PTPRD: variants seen among roughly 807,000 people sequenced by gnomAD.
The protein encoded by PTPRD is receptor-type tyrosine-protein phosphatase delta.
Under a neutral mutation model 214.5 loss-of-function variants are expected in PTPRD, and 34 were observed. The ratio of observed to expected loss-of-function variants is 0.16; its 90% CI spans 0.12 to 0.21. The LOEUF is 0.21. PTPRD is among the 10% of genes least tolerant of loss of function. The pLI is 1.00. For missense variants in PTPRD, 2,545 were observed against 2,398.7 expected, an observed-to-expected ratio of 1.06 and a Z score of -1.27; for synonymous variants, 1,128 against 845.7, an observed-to-expected ratio of 1.33 and a Z score of -5.79.
In PTPRD at chr9:8,573,954, T is replaced by C. The variant is rs192945997; in HGVS notation, c.353-45175A>G. On this transcript the variant is annotated intron_variant, in intron 14 of 45. Coordinates refer to ENST00000381196, the MANE Select transcript of PTPRD (RefSeq NM_002839.4). ...TGCATATTTTAACTTCATTTAGGGCTGACTATGGTAATACTAATTATTCAT... is the reference window on the plus strand; with the variant it reads ...TGCATATTTTAACTTCATTTAGGGCCGACTATGGTAATACTAATTATTCAT... Among the ~76,000 whole-genome samples, 186 of 152,142 alleles carry C rather than the reference T, an allele frequency of 1.2e-3. 1 individual carries two copies. The highest frequency in any genetic ancestry group is 1.7e-3 in the Non-Finnish European group (115 of 67,868).
intron 14 of PTPRD, among the ~76,000 whole-genome samples, chr9:8,561,127 T>C (rs1313204636): frequency 6.6e-6 from 1 of 152,184 alleles, no homozygotes; most frequent in Admixed American, 6.5e-5. Context: ...TTGTTCTGAT[T>C]GATCCCCACC....
intron 11 of PTPRD, among the ~76,000 whole-genome samples, chr9:8,892,231 CTCCTTGG>C (rs1328597762): frequency 1.9e-4 from 29 of 152,124 alleles, no homozygotes; most frequent in Non-Finnish European, 3.5e-4. Flanking sequence ...CAGTGTAGAA[CTCCTTGG>C]ATTCTGGCAT....
At position 8,784,005 on chromosome 9, in the gene PTPRD, G is replaced by A. The variant is rs992721523; in HGVS notation, c.-103-50059C>T. Among the ~76,000 whole-genome samples the A allele has an allele frequency of 1.7e-4, 26 of 152,116 alleles. 1 individual carries two copies. The highest frequency in any genetic ancestry group is 7.9e-4 in the Admixed American group (12 of 15,286). ...TGCGCCTGACCTCTAATGATAATTC[G>A]TCATATATCCTCATGCTTTCTTATT... On this transcript the variant is annotated intron_variant, in intron 11 of 45. Coordinates refer to ENST00000381196, the MANE Select transcript of PTPRD (RefSeq NM_002839.4).
At chr9:10,369,131 G>C (rs972515429) in intron 2 of PTPRD, among the ~76,000 whole-genome samples, 2 of 151,974 alleles carry the variant, frequency 1.3e-5, no homozygotes, top group Non-Finnish European at 2.9e-5. Flanking sequence ...ACTAGTTCTT[G>C]TTTCTCCATT....
chr9:9,647,936 C>A (rs1441499070), intron 7 of PTPRD, among the ~76,000 whole-genome samples: 1 of 152,096 alleles, frequency 6.6e-6, no homozygotes, highest in Non-Finnish European at 1.5e-5. Context: ...TTGTGTGTGG[C>A]TTCTGCATAC....
intron 11 of PTPRD, among the ~76,000 whole-genome samples, chr9:8,750,454 G>A (rs575865368): frequency 5.3e-5 from 8 of 150,368 alleles, no homozygotes; most frequent in Admixed American, 3.3e-4. Flanking sequence ...CACCATGCCC[G>A]GCCAAGTAAG....
chr9:9,650,170 GT>G (rs948021111), intron 7 of PTPRD, among the ~76,000 whole-genome samples: 10 of 152,010 alleles, frequency 6.6e-5, no homozygotes, highest in African/African-American at 2.4e-4. Context: ...GTGTGCAGTG[GT>G]TTTCCCCCAA....
chr9:8,877,421 T>C (rs1289452515), intron 11 of PTPRD, among the ~76,000 whole-genome samples: 1 of 152,174 alleles, frequency 6.6e-6, no homozygotes, highest in Non-Finnish European at 1.5e-5. Flanking sequence ...GAGACACCAA[T>C]ATCTAGGGGA....
At chr9:10,349,961 G>A (rs1367053750) in intron 2 of PTPRD, among the ~76,000 whole-genome samples, 1 of 152,106 alleles carries the variant, frequency 6.6e-6, no homozygotes, top group Non-Finnish European at 1.5e-5. Flanking sequence ...GTGCCCAGCC[G>A]GGATCCTTTT....
rs555957530 is a variant in PTPRD, at chr9:8,891,379, G to A, written c.-104+127318C>T. 2.9e-4 allele frequency among the ~76,000 whole-genome samples: 44 copies of A among 151,646 alleles called. No homozygotes were observed. The South Asian group carries it at 6.9e-3, about 24-fold the overall frequency. On this transcript the variant is annotated intron_variant, in intron 11 of 45. Coordinates refer to ENST00000381196, the MANE Select transcript of PTPRD (RefSeq NM_002839.4). The stretch of plus-strand genomic sequence containing the variant: ...AATCTCCTGACCTCGTGATCCGCCC[G>A]CCTCGGCCTCCCAAAGTGCTGGGAT...
intron 7 of PTPRD, among the ~76,000 whole-genome samples, chr9:9,717,891 CA>C (rs1038513014): frequency 6.0e-4 from 91 of 150,536 alleles, no homozygotes; most frequent in Admixed American, 1.7e-3. Context: ...TTATAGGAAT[CA>C]AAAAATTAAA....
intron 35 of PTPRD, among the ~76,000 whole-genome samples, chr9:8,426,823 G>C (rs2131916139): frequency 6.6e-6 from 1 of 150,426 alleles, no homozygotes; most frequent in Non-Finnish European, 1.5e-5. Context: ...TAATGTGGGT[G>C]AAAGAACAAA....
intron 12 of PTPRD, among the ~76,000 whole-genome samples, chr9:8,675,538 C>CAAAAAAAAA (rs61509653): frequency 8.1e-5 from 4 of 49,114 alleles, no homozygotes; most frequent in African/African-American, 3.4e-4. Flanking sequence ...CACACACACA[C>CAAAAAAAAA]AAAAAAAAAA....
At chr9:9,595,662 A>G (rs976175737) in intron 7 of PTPRD, among the ~76,000 whole-genome samples, 3 of 151,914 alleles carry the variant, frequency 2.0e-5, no homozygotes, top group African/African-American at 7.2e-5. Flanking sequence ...ATGAGATTGC[A>G]GGCTACTATT....
At chr9:10,168,856 G>A (rs2099178293) in intron 3 of PTPRD, among the ~76,000 whole-genome samples, 1 of 152,116 alleles carries the variant, frequency 6.6e-6, no homozygotes, top group Non-Finnish European at 1.5e-5. Flanking sequence ...CACGGCGCTA[G>A]CAATTAAATC....
chr9:9,177,583 G>A (rs1347337669), intron 10 of PTPRD, among the ~76,000 whole-genome samples: 1 of 151,940 alleles, frequency 6.6e-6, no homozygotes, highest in Non-Finnish European at 1.5e-5. Flanking sequence ...ATTTTAAAAT[G>A]ATTATGTCTA....
At chr9:8,929,706 T>C (rs2098931278) in intron 11 of PTPRD, among the ~76,000 whole-genome samples, 1 of 132,756 alleles carries the variant, frequency 7.5e-6, no homozygotes, top group Non-Finnish European at 1.6e-5. Context: ...TATATATGTG[T>C]ATATATATAT....
chr9:9,599,604 G>A (rs2093610122), intron 7 of PTPRD, among the ~76,000 whole-genome samples: 2 of 151,854 alleles, frequency 1.3e-5, no homozygotes, highest in African/African-American at 4.8e-5. Flanking sequence ...ATCTTTATGT[G>A]TTTCATTCTG....
At chr9:10,282,155 A>T (rs566587053) in intron 3 of PTPRD, among the ~76,000 whole-genome samples, 1 of 152,208 alleles carries the variant, frequency 6.6e-6, no homozygotes, top group South Asian at 2.1e-4. Flanking sequence ...TTGAATCCAG[A>T]CTCTGCCACC....
Sources: allele counts gnomAD v4.1 joint callset (sites outside exome capture counted in the v4.1 genomes callset), GRCh38; gene constraint gnomAD v4.1.1; transcripts MANE v1.5; gene names NCBI Gene and HGNC (gene_info 2026-07-23, HGNC 2026-07-21).